The following EIF2S3 variants were observed in gnomAD, a reference collection of about 807,000 sequenced individuals.
EIF2S3 encodes the protein eukaryotic translation initiation factor 2 subunit 3.
Under a neutral mutation model 31.7 loss-of-function variants are expected in EIF2S3, and 2 were observed. The ratio of observed to expected loss-of-function variants is 0.06; its 90% CI spans 0.03 to 0.20. EIF2S3 has a LOEUF of 0.20. EIF2S3 is among the 10% of genes least tolerant of loss of function. The pLI is 1.00. For missense variants in EIF2S3, 96 were observed against 359.3 expected (o/e 0.27, Z 5.92); for synonymous variants, 120 against 126.7 (o/e 0.95, Z 0.36).
Position 24,074,862 on chromosome X carries a change from C to CTTTTTTTTTTTTTTTTTTTTTTTTTT in EIF2S3, c.1355+1620_1355+1621insTTTTTTTTTTTTTTTTTTTTTTTTTT, listed in dbSNP as rs758813480. On this transcript the variant is annotated intron_variant, in intron 11 of 11. Transcript: ENST00000253039. ...GTACTCATCATTTTTTTTTCTTCTTCTTTTTTTTTTTTTTTTTTTTTGAGA... is the reference window on the plus strand; with the variant it reads ...GTACTCATCATTTTTTTTTCTTCTTCTTTTTTTTTTTTTTTTTTTTTTTTTTTTTTTTTTTTTTTTTTTTTTTGAGA... Among the ~76,000 whole-genome samples the CTTTTTTTTTTTTTTTTTTTTTTTTTT allele has an allele frequency of 2.7e-4, 13 of 47,466 alleles. 2 individuals carry two copies. Among genetic ancestry groups the CTTTTTTTTTTTTTTTTTTTTTTTTTT allele is most frequent in the African/African-American group, 4.8e-4 (5 of 10,438 alleles). The allele number at this position is 47,466 out of a possible 115,157, so 41.2% of individuals were successfully genotyped here.
At chrX:24,068,759 T>C (rs1227544043) in intron 9 of EIF2S3, among the ~76,000 whole-genome samples, 4 of 111,896 alleles carry the variant, frequency 3.6e-5, no homozygotes, top group African/African-American at 1.3e-4. Context: ...GTTGCTTTTA[T>C]GTATATTTTG....
In EIF2S3 at chrX:24,060,614, G is replaced by A. The variant is rs148896029; in HGVS notation, c.478+432G>A. The A allele has an allele frequency of 5.9e-3, 788 of 132,995 alleles. 2 individuals carry two copies. Among genetic ancestry groups the A allele is most frequent in the Non-Finnish European group, 0.011 (710 of 66,622 alleles). The allele number at this position is 132,995 out of a possible 1,213,427, so 11.0% of individuals were successfully genotyped here. On this transcript the variant is annotated intron_variant, in intron 5 of 11. Coordinates refer to ENST00000253039, the MANE Select transcript of EIF2S3 (RefSeq NM_001415.4). ...AATAAGTGGAGTTTTGAAGGGTAGCGTATGCTTTGTTTCTTATGTTAGCTG... is the reference window on the plus strand; with the variant it reads ...AATAAGTGGAGTTTTGAAGGGTAGCATATGCTTTGTTTCTTATGTTAGCTG...
At position 24,055,689 on chromosome X, in the gene EIF2S3, C is replaced by A; in HGVS notation, c.133+11C>A. The A allele has an allele frequency of 3.3e-6, 4 of 1,203,642 alleles. No individual in the cohort carries two copies. Among genetic ancestry groups the A allele is most frequent in the Non-Finnish European group, 3.4e-6 (3 of 888,373 alleles). On this transcript the variant is annotated intron_variant, in intron 2 of 11. Coordinates refer to ENST00000253039, the MANE Select transcript of EIF2S3 (RefSeq NM_001415.4). The stretch of plus-strand genomic sequence containing the variant: ...CCACAATTAACATAGGTAAGAGTAA[C>A]TTAAGAGACCTAACCTTGGTCTCCA...
rs139719233 is a variant in EIF2S3, at chrX:24,062,447, A to G, written c.510A>G (p.Thr170=). 41 of 1,204,054 alleles carry G rather than the reference A, an allele frequency of 3.4e-5. No homozygotes were observed. The highest frequency in any genetic ancestry group is 1.2e-4 in the African/African-American group (7 of 56,745). The change falls in exon 6 of 12, where the codon ACA becomes ACG. Residue 170 remains threonine (T), a synonymous_variant. Transcript: ENST00000253039. ...AGNESCPQPQ[T]SEHLAAIEIM... ...ATGAATCTTGCCCTCAGCCTCAGACATCGGAACACCTGGCTGCTATAGAGA... is the reference window on the plus strand; with the variant it reads ...ATGAATCTTGCCCTCAGCCTCAGACGTCGGAACACCTGGCTGCTATAGAGA...
At chrX:24,059,495 G>A (rs964763183) in intron 4 of EIF2S3, among the ~76,000 whole-genome samples, 2 of 108,196 alleles carry the variant, frequency 1.8e-5, no homozygotes, top group African/African-American at 6.8e-5. Context: ...CTATCTTGGC[G>A]CATTGCAACC....
chrX:24,070,439 G>GTTTTTTTTTTTT (rs768908773), intron 9 of EIF2S3, among the ~76,000 whole-genome samples: 1 of 50,973 alleles, frequency 2.0e-5, no homozygotes, highest in Non-Finnish European at 3.2e-5. Flanking sequence ...ATCATATGTA[G>GTTTTTTTTTTTT]TTTTTTTTTT....
At chrX:24,064,951 A>G (rs1930549281) in intron 7 of EIF2S3, among the ~76,000 whole-genome samples, 1 of 112,110 alleles carries the variant, frequency 8.9e-6, no homozygotes, top group South Asian at 3.6e-4. Context: ...CTTCCTGACT[A>G]AAACATTTAC....
In EIF2S3 at chrX:24,078,328, T is replaced by C. The variant is rs184593345; in HGVS notation, c.*1543T>C. 9.0e-6 allele frequency among the ~76,000 whole-genome samples: 1 copy of C among 111,010 alleles called. No homozygotes were observed. The highest frequency in any genetic ancestry group is 3.3e-5 in the African/African-American group (1 of 30,709). ...GGCGTGAGCCACTCTGCCCGGCTTA[T>C]TTTTCTTTATGTTTTTGCTTCGTAA... On this transcript the variant is annotated 3_prime_UTR_variant, in exon 12 of 12. Coordinates refer to ENST00000253039, the MANE Select transcript of EIF2S3 (RefSeq NM_001415.4).
intron 9 of EIF2S3, 60 bp from the exon 10 acceptor site, chrX:24,071,498 C>A: frequency 8.9e-7 from 1 of 1,125,261 alleles, no homozygotes; most frequent in South Asian, 2.1e-5. Context: ...CCAACTAATT[C>A]ACTTTATAGG....
chrX:24,066,110 T>G lies in EIF2S3; in HGVS notation c.867+18T>G, dbSNP rs1269598236. 3 of 1,076,324 alleles carry G rather than the reference T, an allele frequency of 2.8e-6. No homozygotes were observed. In the South Asian group the frequency reaches 7.0e-5, roughly 25 times the overall value. 88.7% of individuals were successfully genotyped at this position (1,076,324 alleles called of 1,213,427 possible). ...TATTAAAGGTAAAATGGGTTTTGGT[T>G]GTTGTGATTTTGGGTTTTTTTTTTT... On this transcript the variant is annotated intron_variant, in intron 8 of 11. Coordinates refer to ENST00000253039, the MANE Select transcript of EIF2S3 (RefSeq NM_001415.4).
In EIF2S3 at chrX:24,073,144, A is replaced by G; in HGVS notation, c.1236A>G (p.Ser412=). 1 of 1,211,846 alleles carries G rather than the reference A, an allele frequency of 8.3e-7. No individual in the cohort carries two copies. Among genetic ancestry groups the G allele is most frequent in the Non-Finnish European group, 1.1e-6 (1 of 895,511 alleles). The change falls in exon 11 of 12, where the codon TCA becomes TCG. Residue 412 remains serine, a synonymous_variant. Transcript: ENST00000253039. ...EVLMVNIGSL[S]TGGRVSAVKA... Reference sequence around the variant, plus strand: ...TCATGGTGAACATAGGATCCCTGTCAACAGGAGGGAGAGTTAGTGCTGTCA... The same window carrying G: ...TCATGGTGAACATAGGATCCCTGTCGACAGGAGGGAGAGTTAGTGCTGTCA...
chrX:24,055,808 G>A, intron 2 of EIF2S3, 130 bp downstream of exon 2: 1 of 652,835 alleles, frequency 1.5e-6, no homozygotes, highest in Non-Finnish European at 2.4e-6. Flanking sequence ...TGTGAATAAA[G>A]CATCTGCTAC....
intron 11 of EIF2S3, chrX:24,073,537 C>T (rs896906745): frequency 4.5e-5 from 8 of 177,268 alleles, no homozygotes; most frequent in Non-Finnish European, 8.3e-5. Flanking sequence ...CTAAAAAATA[C>T]AAAAAATTAG....
chrX:24,070,711 A>T (rs375959863), intron 9 of EIF2S3, among the ~76,000 whole-genome samples: 1 of 111,431 alleles, frequency 9.0e-6, no homozygotes, highest in Non-Finnish European at 1.9e-5. Context: ...TGCTGGGATT[A>T]TAAGTGTGAG....
chrX:24,060,233 A>G, intron 5 of EIF2S3, 51 bp downstream of exon 5: 1 of 1,069,870 alleles, frequency 9.3e-7, no homozygotes, highest in Non-Finnish European at 1.3e-6. Context: ...CAAATCCAAG[A>G]TGAAATATTT....
At chrX:24,070,439 G>GTTTGT (rs1930649465) in intron 9 of EIF2S3, among the ~76,000 whole-genome samples, 26 of 50,976 alleles carry the variant, frequency 5.1e-4, no homozygotes, top group African/African-American at 2.0e-3. Flanking sequence ...ATCATATGTA[G>GTTTGT]TTTTTTTTTT....
intron 7 of EIF2S3, among the ~76,000 whole-genome samples, 187 bp from the exon 8 acceptor site, chrX:24,065,809 TAA>T (rs1270876920): frequency 1.8e-5 from 2 of 111,805 alleles, no homozygotes; most frequent in African/African-American, 6.5e-5. Flanking sequence ...TTAATAAACT[TAA>T]GTTACTTTCA....
Position 24,057,452 on chromosome X carries a change from C to G in EIF2S3, c.165C>G (p.Ser55=). The change falls in exon 3 of 12, where the codon TCC becomes TCG. Residue 55 remains serine, a synonymous_variant. Coordinates refer to ENST00000253039, the MANE Select transcript of EIF2S3 (RefSeq NM_001415.4). ...GTIGHVAHGK[S]TVVKAISGVH... is the part of the protein sequence containing the mutation. ...TTGGTCATGTAGCTCATGGGAAATC[C>G]ACAGTCGTCAAAGCTATTTCTGGAG... 1 of 1,207,127 alleles carries G rather than the reference C, an allele frequency of 8.3e-7. No homozygotes were observed. Among genetic ancestry groups the G allele is most frequent in the Non-Finnish European group, 1.1e-6 (1 of 894,249 alleles).
intron 10 of EIF2S3, among the ~76,000 whole-genome samples, chrX:24,072,347 C>T (rs1483860931): frequency 1.8e-5 from 2 of 111,484 alleles, no homozygotes; most frequent in Non-Finnish European, 3.8e-5. Flanking sequence ...TGCAGTGGTG[C>T]GATCTCGACT....
Sources: gnomAD v4.1 joint callset for allele counts (sites outside exome capture counted in the v4.1 genomes callset) on GRCh38, gnomAD v4.1.1 for gene constraint, MANE v1.5 for transcripts, NCBI Gene and HGNC (gene_info 2026-07-23, HGNC 2026-07-21) for gene names.